SND1: variants seen among roughly 807,000 people sequenced by gnomAD.
The protein encoded by SND1 is staphylococcal nuclease and tudor domain containing 1, also known as staphylococcal nuclease domain-containing protein 1.
SND1 carries 38 observed loss-of-function variants against 121.7 expected under a neutral mutation model. That is an observed-to-expected ratio of 0.31 (90% confidence interval 0.24 to 0.41). The LOEUF is 0.41. Among genes scored for constraint, SND1 ranks in the 10% least tolerant of loss-of-function variants. The pLI, the probability that SND1 is intolerant of heterozygous loss-of-function variation, is 1.00. For missense variants in SND1, 868 were observed against 1,184.6 expected (o/e 0.73, Z 3.92); for synonymous variants, 401 against 447.4 (o/e 0.90, Z 1.31).
At chr7:127,743,779 G>T (rs77529783) in intron 10 of SND1, among the ~76,000 whole-genome samples, 1 of 152,134 alleles carries the variant, frequency 6.6e-6, no homozygotes, top group African/African-American at 2.4e-5. Context: ...AACTATGTAC[G>T]CCTATCAGGC....
chr7:127,872,626 ACG>A (rs988935150), intron 12 of SND1, among the ~76,000 whole-genome samples: 16 of 99,180 alleles, frequency 1.6e-4, no homozygotes, highest in Admixed American at 3.2e-4. Flanking sequence ...TTTAACACAC[ACG>A]CACACACACA....
At chr7:128,046,158 A>G (rs1167744029) in intron 16 of SND1, among the ~76,000 whole-genome samples, 1 of 152,146 alleles carries the variant, frequency 6.6e-6, no homozygotes, top group East Asian at 1.9e-4. Flanking sequence ...GTGCAGTGGC[A>G]CAATCATGGC....
chr7:127,962,899 A>C (rs1801766325), intron 15 of SND1, among the ~76,000 whole-genome samples: 1 of 152,236 alleles, frequency 6.6e-6, no homozygotes, highest in African/African-American at 2.4e-5. Context: ...CACCTCTCTG[A>C]GCCAAAGCTT....
intron 16 of SND1, among the ~76,000 whole-genome samples, chr7:128,057,870 G>A (rs1472996900): frequency 2.0e-5 from 3 of 152,194 alleles, no homozygotes; most frequent in South Asian, 4.1e-4. Context: ...GAGATCAGTC[G>A]ACCCAGATCA....
At chr7:127,817,289 TA>T (rs1383297329) in intron 11 of SND1, among the ~76,000 whole-genome samples, 1 of 152,184 alleles carries the variant, frequency 6.6e-6, no homozygotes, top group African/African-American at 2.4e-5. Context: ...CTTTCACAGA[TA>T]GGAGAGGTCT....
At chr7:127,689,973 C>T (rs1795884304) in intron 2 of SND1, among the ~76,000 whole-genome samples, 1 of 127,874 alleles carries the variant, frequency 7.8e-6, no homozygotes, top group Non-Finnish European at 1.6e-5. Flanking sequence ...TTAACAAGGC[C>T]TAGGGATTCT....
At chr7:127,974,605 TAGG>T (rs1417169992) in intron 15 of SND1, among the ~76,000 whole-genome samples, 1 of 152,218 alleles carries the variant, frequency 6.6e-6, no homozygotes, top group East Asian at 1.9e-4. Flanking sequence ...CCAGGCTGTC[TAGG>T]AGAATTCCCC....
At chr7:127,876,410 A>T (rs1799691453) in intron 12 of SND1, among the ~76,000 whole-genome samples, 1 of 152,164 alleles carries the variant, frequency 6.6e-6, no homozygotes, top group Non-Finnish European at 1.5e-5. Context: ...GAAAATGTTC[A>T]TGGGAAAAAC....
chr7:127,839,216 C>G (rs1798920724), intron 11 of SND1, among the ~76,000 whole-genome samples: 1 of 152,192 alleles, frequency 6.6e-6, no homozygotes, highest in Non-Finnish European at 1.5e-5. Context: ...TGCGTAGAGG[C>G]TTTCCATAAA....
intron 10 of SND1, among the ~76,000 whole-genome samples, chr7:127,743,933 C>T (rs530961862): frequency 1.6e-4 from 25 of 152,100 alleles, no homozygotes; most frequent in African/African-American, 5.5e-4. Context: ...TGTATTTTAT[C>T]GACGGGCATG....
intron 10 of SND1, among the ~76,000 whole-genome samples, chr7:127,732,371 A>C (rs3808093): frequency 0.3 from 45,449 of 152,130 alleles, 7,524 homozygotes; most frequent in Middle Eastern, 0.4. Flanking sequence ...TGATGAGGTC[A>C]TTTCTGACCA....
chr7:128,086,986 A>C lies in SND1; in HGVS notation c.2353A>C (p.Ser785Arg), dbSNP rs1793697752. ...CCTGGGTACCCTATCACCTGCCTTCAGCACTCGGGTGCTGCCAGCTCAAGC... is the reference window on the plus strand; with the variant it reads ...CCTGGGTACCCTATCACCTGCCTTCCGCACTCGGGTGCTGCCAGCTCAAGC... ...TRLGTLSPAF[S>R]TRVLPAQATE... The change falls in exon 21 of 24, where the codon AGC becomes CGC. Residue 785 changes from serine to arginine, a missense_variant. By Grantham distance (110) the Ser-to-Arg change is moderately radical. Around this residue, in one of 2 missense-constraint regions of SND1, gnomAD observed 743 missense variants for 1,071.3 expected, o/e 0.69. Transcript: ENST00000354725. 1 of 1,614,102 alleles carries C rather than the reference A, an allele frequency of 6.2e-7. No individual in the cohort carries two copies. The highest frequency in any genetic ancestry group is 8.5e-7 in the Non-Finnish European group (1 of 1,180,056).
intron 17 of SND1, among the ~76,000 whole-genome samples, chr7:128,078,705 C>T (rs147836331): frequency 6.6e-4 from 100 of 152,382 alleles, no homozygotes; most frequent in Non-Finnish European, 1.0e-3. Flanking sequence ...GAGTCTTTAG[C>T]AGTTTCTGCT....
intron 10 of SND1, among the ~76,000 whole-genome samples, chr7:127,799,753 CTG>C (rs1798095289): frequency 1.3e-5 from 2 of 152,116 alleles, no homozygotes; most frequent in African/African-American, 2.4e-5. Context: ...CTGTTATAGA[CTG>C]TATTTACTTT....
At chr7:127,699,192 A>T (rs1483955494) in intron 4 of SND1, among the ~76,000 whole-genome samples, 1 of 152,208 alleles carries the variant, frequency 6.6e-6, no homozygotes, top group Non-Finnish European at 1.5e-5. Flanking sequence ...TCATATTCAT[A>T]AGAGTCAACA....
intron 8 of SND1, 67 bp from the exon 9 acceptor site, chr7:127,707,490 C>T (rs781275007): frequency 6.3e-5 from 80 of 1,273,250 alleles, no homozygotes; most frequent in Non-Finnish European, 8.6e-5. Flanking sequence ...ACCAACTGTG[C>T]TCCCATGGTA....
intron 2 of SND1, among the ~76,000 whole-genome samples, chr7:127,689,685 C>T (rs1344034606): frequency 6.6e-6 from 1 of 152,316 alleles, no homozygotes; most frequent in African/African-American, 2.4e-5. Flanking sequence ...CCCAGACTAA[C>T]TCAGTCTCAC....
At chr7:127,825,776 T>C (rs1405751183) in intron 11 of SND1, among the ~76,000 whole-genome samples, 1 of 152,188 alleles carries the variant, frequency 6.6e-6, no homozygotes, top group African/African-American at 2.4e-5. Flanking sequence ...AAGCAATATA[T>C]GTTTATTATG....
chr7:127,893,112 G>A (rs906144823), intron 13 of SND1, among the ~76,000 whole-genome samples: 1 of 152,058 alleles, frequency 6.6e-6, no homozygotes, highest in Admixed American at 6.6e-5. Flanking sequence ...AAGATAGTGA[G>A]TCATTACCGG....
Sources: allele counts gnomAD v4.1 joint callset (sites outside exome capture counted in the v4.1 genomes callset), GRCh38; gene constraint gnomAD v4.1.1; regional missense constraint gnomAD v4.1.1; transcripts MANE v1.5; gene names NCBI Gene and HGNC (gene_info 2026-07-23, HGNC 2026-07-21).